CACNB2: variants seen among roughly 807,000 people sequenced by gnomAD.
The protein encoded by CACNB2 is voltage-dependent L-type calcium channel subunit beta-2.
A neutral mutation model predicts 73.3 loss-of-function variants in CACNB2; 42 were observed. The observed-to-expected ratio is 0.57, with a 90% CI of 0.45 to 0.74. The LOEUF is 0.74. Among genes scored for constraint, CACNB2 ranks in the 30% least tolerant of loss-of-function variants. CACNB2 has a pLI of 0.00. For synonymous variants in CACNB2, 348 were observed against 310.3 expected (o/e 1.12, Z -1.28); for missense variants, 940 against 853.0 (o/e 1.10, Z -1.27).
intron 11 of CACNB2, among the ~76,000 whole-genome samples, chr10:18,535,221 C>A (rs2053446490): frequency 6.6e-6 from 1 of 152,128 alleles, no homozygotes; most frequent in Non-Finnish European, 1.5e-5. Flanking sequence ...ACTGCAGGTT[C>A]AGATTCCACA....
chr10:18,431,905 C>T (rs554855026), intron 3 of CACNB2, among the ~76,000 whole-genome samples: 1 of 152,244 alleles, frequency 6.6e-6, no homozygotes, highest in East Asian at 1.9e-4. Flanking sequence ...GCTGGAACTG[C>T]AGGCGTGTGC....
At chr10:18,287,244 A>T (rs2038843775) in intron 2 of CACNB2, among the ~76,000 whole-genome samples, 1 of 152,052 alleles carries the variant, frequency 6.6e-6, no homozygotes, top group Non-Finnish European at 1.5e-5. Context: ...CACGAGAATC[A>T]CTTAAATATG....
At position 18,407,115 on chromosome 10, in the gene CACNB2, T is replaced by C. The variant is rs568031048; in HGVS notation, c.333+5072T>C. On this transcript the variant is annotated intron_variant, in intron 3 of 13. Coordinates refer to ENST00000324631, the MANE Select transcript of CACNB2 (RefSeq NM_201596.3). ...TCCAGACCTGCTGTTCTGTCTTTTT[T>C]TTTTTTTTTTTTTTTTTTTTTTTTT... is the stretch of plus-strand genomic sequence containing the variant. Among the ~76,000 whole-genome samples the C allele has an allele frequency of 3.4e-3, 318 of 93,874 alleles. 18 individuals carry two copies. The East Asian group carries it at 0.067, about 20-fold the overall frequency. The allele number at this position is 93,874 out of a possible 152,430, so 61.6% of individuals were successfully genotyped here. A position where few individuals can be genotyped will look rare whatever the true frequency, so the allele number is the denominator to read the frequency against.
chr10:18,530,387 T>C (rs1038508826), intron 10 of CACNB2, among the ~76,000 whole-genome samples: 21 of 151,840 alleles, frequency 1.4e-4, no homozygotes, highest in African/African-American at 3.1e-4. Context: ...CTTGTATATA[T>C]AGACAGACAG....
At chr10:18,252,061 G>GT (rs1196900435) in intron 2 of CACNB2, among the ~76,000 whole-genome samples, 2 of 152,164 alleles carry the variant, frequency 1.3e-5, no homozygotes, top group Non-Finnish European at 2.9e-5. Flanking sequence ...AAATGCTAAT[G>GT]TTTTTTGTCA....
intron 2 of CACNB2, among the ~76,000 whole-genome samples, chr10:18,370,122 G>A (rs1196201704): frequency 6.6e-6 from 1 of 152,138 alleles, no homozygotes; most frequent in Admixed American, 6.5e-5. Context: ...GCCCTGCCTG[G>A]TTATTGAGCA....
intron 3 of CACNB2, among the ~76,000 whole-genome samples, chr10:18,474,732 C>G (rs550755575): frequency 6.6e-6 from 1 of 152,218 alleles, no homozygotes; most frequent in Admixed American, 6.5e-5. Context: ...CTCTACTCTC[C>G]CACTACTCTC....
At chr10:18,229,032 G>A (rs1008798074) in intron 2 of CACNB2, among the ~76,000 whole-genome samples, 13 of 152,160 alleles carry the variant, frequency 8.5e-5, no homozygotes, top group African/African-American at 2.9e-4. Context: ...ATGAGCCACC[G>A]CATCCGGCTC....
intron 2 of CACNB2, among the ~76,000 whole-genome samples, chr10:18,395,131 A>T (rs913455054): frequency 1.3e-5 from 2 of 152,172 alleles, no homozygotes; most frequent in Non-Finnish European, 2.9e-5. Context: ...AGAGAGAGAG[A>T]CTGAACAAGT....
At chr10:18,202,556 A>G (rs2034927208) in intron 2 of CACNB2, among the ~76,000 whole-genome samples, 1 of 152,210 alleles carries the variant, frequency 6.6e-6, no homozygotes, top group South Asian at 2.1e-4. Flanking sequence ...AGCAAGGATA[A>G]TAATACACAA....
At chr10:18,342,187 C>T (rs973862619) in intron 2 of CACNB2, among the ~76,000 whole-genome samples, 10 of 152,078 alleles carry the variant, frequency 6.6e-5, no homozygotes, top group South Asian at 2.1e-4. Context: ...TTTCCTGCAG[C>T]GGAATTCTGT....
At chr10:18,499,805 T>TAA (rs60864177) in intron 4 of CACNB2, among the ~76,000 whole-genome samples, 203 of 117,460 alleles carry the variant, frequency 1.7e-3, no homozygotes, top group South Asian at 2.1e-3. Context: ...ACCCCATCTC[T>TAA]AAAAAAAAAA....
chr10:18,199,362 A>G lies in CACNB2; in HGVS notation c.213+48387A>G, dbSNP rs780854909. Among the ~76,000 whole-genome samples the G allele has an allele frequency of 2.5e-4, 38 of 152,332 alleles. 1 individual carries two copies. Among genetic ancestry groups the G allele is most frequent in the Middle Eastern group, 3.4e-3 (1 of 294 alleles). The stretch of plus-strand genomic sequence containing the variant: ...ATGTAATGCCAACTTCTAGGAAGAA[A>G]AGCAGAGAAGGGTGAGAGGACATTG... On this transcript the variant is annotated intron_variant, in intron 2 of 13. Transcript: ENST00000324631.
At chr10:18,518,260 A>C in intron 7 of CACNB2, 76 bp from the exon 8 acceptor site, 2 of 991,410 alleles carry the variant, frequency 2.0e-6, no homozygotes, top group Non-Finnish European at 3.3e-6. Context: ...TGGAGTTCAG[A>C]AAGAGTACCT....
chr10:18,329,212 G>T (rs1016290663), intron 2 of CACNB2, among the ~76,000 whole-genome samples: 2 of 152,074 alleles, frequency 1.3e-5, no homozygotes, highest in Non-Finnish European at 2.9e-5. Context: ...GTTCTTCTGG[G>T]CCAGGAAGGA....
intron 2 of CACNB2, among the ~76,000 whole-genome samples, chr10:18,331,044 G>C (rs2040781712): frequency 6.6e-6 from 1 of 150,982 alleles, no homozygotes; most frequent in African/African-American, 2.4e-5. Context: ...GGAGTGCAAT[G>C]GCGCGATCTT....
At chr10:18,238,369 T>C (rs1190070585) in intron 2 of CACNB2, 1 of 152,224 alleles carries the variant, frequency 6.6e-6, no homozygotes, top group Non-Finnish European at 1.5e-5. Context: ...TCTGTACTGA[T>C]GAAAGCCATC....
intron 3 of CACNB2, among the ~76,000 whole-genome samples, chr10:18,451,772 T>A (rs1249725128): frequency 3.3e-5 from 5 of 152,242 alleles, no homozygotes. Context: ...CCACTACAGA[T>A]ATTGACAAGC....
intron 2 of CACNB2, among the ~76,000 whole-genome samples, chr10:18,204,013 A>G (rs2034993665): frequency 6.6e-6 from 1 of 152,212 alleles, no homozygotes; most frequent in African/African-American, 2.4e-5. Context: ...CAAAAAAGCA[A>G]TCAGATTGCA....
Sources: allele counts gnomAD v4.1 joint callset (sites outside exome capture counted in the v4.1 genomes callset), GRCh38; gene constraint gnomAD v4.1.1; transcripts MANE v1.5; gene names NCBI Gene and HGNC (gene_info 2026-07-23, HGNC 2026-07-21).